TCTN1: variants seen among roughly 807,000 people sequenced by gnomAD.
TCTN1 encodes the protein tectonic-1.
Under a neutral mutation model 65.8 loss-of-function variants are expected in TCTN1, and 58 were observed. The ratio of observed to expected loss-of-function variants is 0.88; its 90% CI spans 0.71 to 1.10. The LOEUF is 1.10. Among genes scored for constraint, TCTN1 ranks in the 50% least tolerant of loss-of-function variants. The pLI is 0.00. For synonymous variants in TCTN1, 273 were observed against 289.1 expected, an observed-to-expected ratio of 0.94 and a Z score of 0.57; for missense variants, 645 against 719.4, an observed-to-expected ratio of 0.90 and a Z score of 1.18.
Position 110,620,573 on chromosome 12 carries a change from G to C in TCTN1, c.341+617G>C, listed in dbSNP as rs575992813. Among the ~76,000 whole-genome samples, 4 of 152,288 alleles carry C rather than the reference G, an allele frequency of 2.6e-5. No homozygotes were observed. In the East Asian group the frequency reaches 5.8e-4, roughly 22 times the overall value. On this transcript the variant is annotated intron_variant, in intron 2 of 14. Coordinates refer to ENST00000397659, the MANE Select transcript of TCTN1 (RefSeq NM_001082538.3). ...GACAGTGGTCACATTTTTTGTATCA[G>C]TGAATTAGTATAGCCTAGGGTGAAA...
chr12:110,621,476 ATT>A (rs879348737), intron 2 of TCTN1, among the ~76,000 whole-genome samples: 4 of 139,838 alleles, frequency 2.9e-5, no homozygotes, highest in Non-Finnish European at 1.6e-5. Flanking sequence ...ACTTGGGGCT[ATT>A]TTTTTTTTTT....
chr12:110,647,447 G>T, intron 13 of TCTN1, 111 bp downstream of exon 13: 2 of 1,408,862 alleles, frequency 1.4e-6, no homozygotes, highest in East Asian at 2.4e-5. Context: ...TTAAACCATG[G>T]GGGTTCATAA....
intron 10 of TCTN1, 128 bp downstream of exon 10, chr12:110,641,755 C>G: frequency 1.0e-6 from 1 of 966,526 alleles, no homozygotes. Context: ...GGCCGAGCTT[C>G]CTGCAGGCGG....
chr12:110,629,400 GA>G (rs1353773551), intron 4 of TCTN1: 10 of 154,972 alleles, frequency 6.5e-5, no homozygotes, highest in Non-Finnish European at 4.3e-5. Context: ...AAATTTACAA[GA>G]AAAAAACAAC....
At chr12:110,628,614 T>A (rs1338070679) in intron 3 of TCTN1, among the ~76,000 whole-genome samples, 153 bp from the exon 4 acceptor site, 1 of 152,226 alleles carries the variant, frequency 6.6e-6, no homozygotes, top group African/African-American at 2.4e-5. Context: ...GTGTTGAGAT[T>A]ACAGGCGTGA....
chr12:110,618,315 A>G (rs1417101772), intron 1 of TCTN1, among the ~76,000 whole-genome samples: 1 of 151,618 alleles, frequency 6.6e-6, no homozygotes, highest in Non-Finnish European at 1.5e-5. Flanking sequence ...ATCTCGGCTC[A>G]CTGCAAACCC....
rs201990420 is a variant in TCTN1 at position 110,641,060 on chromosome 12, G to T, written c.1015G>T (p.Val339Phe). The T allele has an allele frequency of 1.2e-6, 2 of 1,614,230 alleles. No homozygotes were observed. The highest frequency in any genetic ancestry group is 4.5e-5 in the East Asian group (2 of 44,896). Reference sequence around the variant, plus strand: ...CCTCACATACACAGATGCAGGTGAAGTCACCAAAGCTGATCTCTCATTCGT... The same window carrying T: ...CCTCACATACACAGATGCAGGTGAATTCACCAAAGCTGATCTCTCATTCGT... ...YSLTYTDAGE[V>F]TKADLSFVLG... Residue 339 changes from valine (V) to phenylalanine (F), a missense_variant, in exon 9 of 15, where the codon GTC (valine) becomes TTC (phenylalanine). Val to Phe is a conservative substitution (Grantham distance 50). Coordinates refer to ENST00000397659, the MANE Select transcript of TCTN1 (RefSeq NM_001082538.3).
At position 110,640,343 on chromosome 12, in the gene TCTN1, GGGTA is replaced by G. The variant is rs2066873245; in HGVS notation, c.844-38_844-35del. The G allele has an allele frequency of 6.2e-6, 10 of 1,613,806 alleles. No homozygotes were observed. Among genetic ancestry groups the G allele is most frequent in the Non-Finnish European group, 7.6e-6 (9 of 1,179,900 alleles). On this transcript the variant is annotated intron_variant, in intron 7 of 14. Transcript: ENST00000397659. The surrounding 1 kb of genome is among the most constrained non-coding windows in gnomAD (Gnocchi z 4.9). ...TTGGTTATTTTAGCCCATCCTCCCT[GGGTA>G]GAGCATCTTCAACACTCCAGGTCTT...
intron 2 of TCTN1, among the ~76,000 whole-genome samples, chr12:110,622,633 G>A (rs1037022596): frequency 3.3e-5 from 5 of 152,140 alleles, no homozygotes; most frequent in Non-Finnish European, 7.3e-5. Flanking sequence ...ATGGGGGGAT[G>A]TGGGATGGCC....
At chr12:110,628,341 C>A in intron 3 of TCTN1, 3 of 837,480 alleles carry the variant, frequency 3.6e-6, no homozygotes, top group Non-Finnish European at 5.2e-6. Flanking sequence ...GAAAAATACA[C>A]TTTTTTTTTT....
intron 10 of TCTN1, chr12:110,641,978 C>T: frequency 1.8e-6 from 1 of 556,954 alleles, no homozygotes; most frequent in Non-Finnish European, 3.2e-6. Context: ...TTTAATTTCA[C>T]ATTTAAACAG....
chr12:110,626,608 C>T (rs2065859240), intron 3 of TCTN1, 116 bp downstream of exon 3: 3 of 1,120,798 alleles, frequency 2.7e-6, no homozygotes, highest in Non-Finnish European at 3.8e-6. Flanking sequence ...GAGACAGAGT[C>T]TTGCTCTGTC....
intron 2 of TCTN1, 133 bp from the exon 3 acceptor site, chr12:110,626,229 C>T: frequency 9.1e-7 from 1 of 1,094,842 alleles, no homozygotes; most frequent in Non-Finnish European, 1.3e-6. Context: ...GCTGGGACGT[C>T]ATGCTTTCAT....
chr12:110,641,864 T>C (rs2066979843), intron 10 of TCTN1: 2 of 575,076 alleles, frequency 3.5e-6, no homozygotes, highest in Non-Finnish European at 6.1e-6. Flanking sequence ...TCAGTGTTTT[T>C]TTTTTTTAAT....
At chr12:110,645,349 G>A (rs2067229193) in intron 12 of TCTN1, 4 of 583,736 alleles carry the variant, frequency 6.9e-6, no homozygotes, top group East Asian at 3.1e-5. Context: ...AAATGGGAAC[G>A]CTAGTCAATA....
Position 110,640,585 on chromosome 12 carries a change from A to G in TCTN1, c.978+68A>G, listed in dbSNP as rs1270412447. The G allele has an allele frequency of 8.1e-6, 13 of 1,610,530 alleles. No individual in the cohort carries two copies. The highest frequency in any genetic ancestry group is 1.0e-5 in the Non-Finnish European group (12 of 1,178,132). On this transcript the variant is annotated intron_variant, in intron 8 of 14. Transcript: ENST00000397659. The surrounding 1 kb of genome is among the most constrained non-coding windows in gnomAD (Gnocchi z 4.9). ...TTAAGCCTCTTGTTGCGCCGGGGTA[A>G]CTGGACGCCCTCCGAGGACGCTCTG...
At chr12:110,626,567 T>C (rs1404521639) in intron 3 of TCTN1, 75 bp downstream of exon 3, 18 of 1,450,066 alleles carry the variant, frequency 1.2e-5, no homozygotes, top group Non-Finnish European at 1.7e-5. Flanking sequence ...ATGTGTCAGA[T>C]TTATTTTATA....
At position 110,649,345 on chromosome 12, in the gene TCTN1, GT is replaced by G; in HGVS notation, c.*306del. 7.4e-7 allele frequency: 1 copy of G among 1,353,084 alleles called. No individual in the cohort carries two copies. The highest frequency in any genetic ancestry group is 1.0e-6 in the Non-Finnish European group (1 of 953,084). The allele number at this position is 1,353,084 out of a possible 1,614,324, so 83.8% of individuals were successfully genotyped here. The stretch of plus-strand genomic sequence containing the variant: ...ACCAAGCGGCCCAGGAGGGGCAGCT[GT>G]TCCTCTCGTGACAGCACAGGCCCAT... On this transcript the variant is annotated 3_prime_UTR_variant, in exon 15 of 15. Transcript: ENST00000397659.
In TCTN1 at chr12:110,622,199, A is replaced by T. The variant is rs2065480904; in HGVS notation, c.341+2243A>T. The stretch of plus-strand genomic sequence containing the variant: ...AATGAATTTCTCCCTTCCACCTCTA[A>T]CTGATTTCCTAGTGTCCCTTGTTGA... On this transcript the variant is annotated intron_variant, in intron 2 of 14. Transcript: ENST00000397659. 2.6e-5 allele frequency among the ~76,000 whole-genome samples: 4 copies of T among 152,094 alleles called. 1 individual carries two copies. In the South Asian group the frequency reaches 8.3e-4, roughly 31 times the overall value.
Sources: allele counts gnomAD v4.1 joint callset (sites outside exome capture counted in the v4.1 genomes callset), GRCh38; gene constraint gnomAD v4.1.1; non-coding constraint Gnocchi (gnomAD v3.1); transcripts MANE v1.5; gene names NCBI Gene and HGNC (gene_info 2026-07-23, HGNC 2026-07-21).